Variants in PAPPA2 observed in about 807,000 individuals in gnomAD.
PAPPA2 encodes the protein pappalysin-2.
A neutral mutation model predicts 176.4 loss-of-function variants in PAPPA2; 86 were observed. The ratio of observed to expected loss-of-function variants is 0.49; its 90% CI spans 0.41 to 0.58. PAPPA2 has a LOEUF of 0.58. Ranked by LOEUF, PAPPA2 falls within the 20% of genes least tolerant of loss-of-function variation. The probability of loss-of-function intolerance (pLI) is 0.00; values close to 1 mark genes in which losing one functional copy is unlikely to be tolerated. For missense variants in PAPPA2, 2,073 were observed against 2,256.9 expected, an observed-to-expected ratio of 0.92 and a Z score of 1.65; for synonymous variants, 809 against 852.2, an observed-to-expected ratio of 0.95 and a Z score of 0.88.
chr1:176,809,265 C>G (rs1401813486), intron 21 of PAPPA2, among the ~76,000 whole-genome samples: 3 of 152,174 alleles, frequency 2.0e-5, no homozygotes, highest in Non-Finnish European at 4.4e-5. Context: ...CATCTGACTA[C>G]TACTTCCAAA....
intron 14 of PAPPA2, among the ~76,000 whole-genome samples, chr1:176,746,237 C>T (rs534726819): frequency 5.3e-5 from 8 of 152,284 alleles, no homozygotes; most frequent in African/African-American, 1.9e-4. Flanking sequence ...TGGTCCAGCT[C>T]TAGTATCATA....
chr1:176,737,924 C>T (rs1662492601), intron 12 of PAPPA2, among the ~76,000 whole-genome samples: 1 of 152,112 alleles, frequency 6.6e-6, no homozygotes, highest in South Asian at 2.1e-4. Context: ...AGCCACCCTA[C>T]TCTTCATGCC....
chr1:176,588,842 G>A (rs935971582), intron 2 of PAPPA2, among the ~76,000 whole-genome samples: 1 of 152,162 alleles, frequency 6.6e-6, no homozygotes, highest in African/African-American at 2.4e-5. Context: ...TCCTTGAGGG[G>A]CAAGCCCACT....
chr1:176,481,272 A>G (rs1349370848), intron 1 of PAPPA2, among the ~76,000 whole-genome samples: 1 of 80,776 alleles, frequency 1.2e-5, no homozygotes, highest in African/African-American at 8.5e-5. Context: ...ACACACACAC[A>G]CACACACACA....
chr1:176,542,486 C>T (rs926628313), intron 1 of PAPPA2, among the ~76,000 whole-genome samples: 1 of 152,224 alleles, frequency 6.6e-6, no homozygotes, highest in African/African-American at 2.4e-5. Flanking sequence ...TACAGGCTGT[C>T]AGACAGCCTG....
chr1:176,615,573 C>T lies in PAPPA2; in HGVS notation c.1991+19978C>T, dbSNP rs529467182. On this transcript the variant is annotated intron_variant, in intron 3 of 22. Transcript: ENST00000367662. ...CGATATCCTGACCTCGTGATCCACC[C>T]GCTTCGGCCTCCCAAAGTGTTGGGA... 2.2e-4 allele frequency among the ~76,000 whole-genome samples: 34 copies of T among 152,216 alleles called. 1 individual carries two copies. Among genetic ancestry groups the T allele is most frequent in the Middle Eastern group, 3.4e-3 (1 of 294 alleles).
intron 3 of PAPPA2, among the ~76,000 whole-genome samples, chr1:176,648,353 C>T (rs2102738679): frequency 6.6e-6 from 1 of 151,484 alleles, no homozygotes; most frequent in East Asian, 2.0e-4. Context: ...TTTGGTTCTG[C>T]TAAGTATGTG....
chr1:176,575,230 T>C (rs972269174), intron 2 of PAPPA2, among the ~76,000 whole-genome samples: 1 of 152,202 alleles, frequency 6.6e-6, no homozygotes. Flanking sequence ...CTTTGCTTTC[T>C]TGACTTTCCA....
chr1:176,739,756 C>T lies in PAPPA2; in HGVS notation c.3929C>T (p.Ser1310Phe), dbSNP rs760720112. The T allele has an allele frequency of 2.2e-5, 36 of 1,613,500 alleles. No individual in the cohort carries two copies. In the South Asian group the frequency reaches 3.8e-4, roughly 17 times the overall value. The change falls in exon 13 of 23, where the codon TCT becomes TTT. Residue 1310 changes from serine (S) to phenylalanine (F), a missense_variant. Ser to Phe is a radical substitution (Grantham distance 155, BLOSUM62 -2). Around this residue, in one of 4 missense-constraint regions of PAPPA2, gnomAD observed 846 missense variants for 857.9 expected, o/e 0.99. Transcript: ENST00000367662. ...ACCGATGTCCGTGGAAGCAACCACT[C>T]TCTTGGTGAGTCTGACAAATATCCC... ...YLTDVRGSNH[S>F]LGTYGLSCQH...
intron 2 of PAPPA2, among the ~76,000 whole-genome samples, chr1:176,584,148 A>G (rs1298137577): frequency 6.6e-6 from 1 of 152,216 alleles, no homozygotes; most frequent in Non-Finnish European, 1.5e-5. Context: ...CTGTTGTGTG[A>G]AATGTTCTGT....
chr1:176,695,997 T>C, intron 7 of PAPPA2, 138 bp downstream of exon 7: 3 of 1,153,260 alleles, frequency 2.6e-6, no homozygotes, highest in Non-Finnish European at 3.7e-6. Context: ...TGTGTGTGTG[T>C]GTGTGTGTGT....
chr1:176,728,197 T>C (rs2102858351), intron 12 of PAPPA2, among the ~76,000 whole-genome samples: 1 of 152,012 alleles, frequency 6.6e-6, no homozygotes, highest in Admixed American at 6.5e-5. Flanking sequence ...TATTTTACTT[T>C]CTCTGGAAAT....
intron 12 of PAPPA2, among the ~76,000 whole-genome samples, chr1:176,737,474 C>T (rs1016790729): frequency 2.6e-5 from 4 of 152,046 alleles, no homozygotes; most frequent in South Asian, 4.2e-4. Flanking sequence ...ACGTGGGGTC[C>T]GAATGAATGA....
At chr1:176,781,391 T>G (rs1664714952) in intron 17 of PAPPA2, among the ~76,000 whole-genome samples, 1 of 138,152 alleles carries the variant, frequency 7.2e-6, no homozygotes, top group South Asian at 2.4e-4. Context: ...TTTTTTTTTT[T>G]TTTTTTTGTC....
chr1:176,536,461 G>T (rs138314673), intron 1 of PAPPA2, among the ~76,000 whole-genome samples: 55 of 152,340 alleles, frequency 3.6e-4, no homozygotes, highest in African/African-American at 1.2e-3. Flanking sequence ...GTGGGGTTTA[G>T]GTGATCTGAC....
At chr1:176,667,350 G>A (rs1286358934) in intron 3 of PAPPA2, among the ~76,000 whole-genome samples, 1 of 152,164 alleles carries the variant, frequency 6.6e-6, no homozygotes, top group Non-Finnish European at 1.5e-5. Context: ...TAAGGGGAGA[G>A]CCCAGGAATC....
chr1:176,759,744 T>C (rs538670877), intron 14 of PAPPA2, among the ~76,000 whole-genome samples: 1 of 152,272 alleles, frequency 6.6e-6, no homozygotes, highest in South Asian at 2.1e-4. Flanking sequence ...TGGTTTGGCA[T>C]TCTCTGGGGG....
At chr1:176,476,870 T>C (rs1285888412) in intron 1 of PAPPA2, among the ~76,000 whole-genome samples, 1 of 152,232 alleles carries the variant, frequency 6.6e-6, no homozygotes, top group Non-Finnish European at 1.5e-5. Context: ...ATCAATAGTC[T>C]ATGTCCTTCT....
At chr1:176,597,236 G>C (rs142292397) in intron 3 of PAPPA2, among the ~76,000 whole-genome samples, 38 of 152,312 alleles carry the variant, frequency 2.5e-4, no homozygotes, top group Non-Finnish European at 4.3e-4. Context: ...CAGAAGTCTT[G>C]TCTGTAAACT....
Sources: allele counts gnomAD v4.1 joint callset (sites outside exome capture counted in the v4.1 genomes callset), GRCh38; gene constraint gnomAD v4.1.1; regional missense constraint gnomAD v4.1.1; transcripts MANE v1.5; gene names NCBI Gene and HGNC (gene_info 2026-07-23, HGNC 2026-07-21).